Variants in IL17RD observed in about 807,000 individuals in gnomAD.
IL17RD encodes the protein interleukin-17 receptor D.
IL17RD carries 52 observed loss-of-function variants against 80.5 expected under a neutral mutation model. The ratio of observed to expected loss-of-function variants is 0.65; its 90% CI spans 0.52 to 0.81. The LOEUF (loss-of-function observed/expected upper bound fraction) is 0.81. IL17RD is among the 40% of genes least tolerant of loss of function. The pLI is 0.00. For synonymous variants in IL17RD, 416 were observed against 391.8 expected (o/e 1.06, Z -0.73); for missense variants, 1,024 against 955.1 (o/e 1.07, Z -0.95).
Position 57,120,330 on chromosome 3 carries a change from G to A in IL17RD, c.127-17C>T, listed in dbSNP as rs201571348. The A allele has an allele frequency of 6.3e-5, 101 of 1,607,926 alleles. No homozygotes were observed. Among genetic ancestry groups the A allele is most frequent in the East Asian group, 5.6e-4 (25 of 44,854 alleles). On this transcript the variant is annotated splice_polypyrimidine_tract_variant and intron_variant, in intron 1 of 12. Coordinates refer to ENST00000296318, the MANE Select transcript of IL17RD (RefSeq NM_017563.5). ...CCCCACTCCCTGTGGGAAAACAAGA[G>A]AACATGATGCAGAGTGAAGCCAATT...
Position 57,101,221 on chromosome 3 carries a change from G to C in IL17RD, c.1122C>G (p.Val374=), listed in dbSNP as rs767188135. The C allele has an allele frequency of 1.2e-6, 2 of 1,613,770 alleles. No individual in the cohort carries two copies. The highest frequency in any genetic ancestry group is 1.7e-6 in the Non-Finnish European group (2 of 1,179,714). Residue 374 remains valine, a synonymous_variant, in exon 11 of 13, where the codon GTC becomes GTG. Coordinates refer to ENST00000296318, the MANE Select transcript of IL17RD (RefSeq NM_017563.5). ...SKDGQNHMNV[V]QCFAYFLQDF... ...CCTGGAGGAAGTAGGCGAAACACTG[G>C]ACGACATTCATGTGATTCTGGCCAT...
chr3:57,167,271 T>G (rs1298854686), upstream of IL17RD, among the ~76,000 whole-genome samples: 1 of 151,988 alleles, frequency 6.6e-6, no homozygotes, highest in Non-Finnish European at 1.5e-5. Context: ...CCATACCCTC[T>G]TCAGACACCA....
At chr3:57,167,490 G>A (rs1559491190), upstream of IL17RD, among the ~76,000 whole-genome samples, 1 of 152,166 alleles carries the variant, frequency 6.6e-6, no homozygotes, top group Non-Finnish European at 1.5e-5. Context: ...GGGCTGAGAT[G>A]AGGCCAGGAC....
intron 1 of IL17RD, among the ~76,000 whole-genome samples, chr3:57,160,671 C>T (rs577484335): frequency 1.8e-4 from 28 of 152,234 alleles, no homozygotes; most frequent in African/African-American, 6.3e-4. Context: ...TTCTCTAAGG[C>T]CAGTGACATA....
At chr3:57,155,679 C>T (rs2060262542) in intron 1 of IL17RD, among the ~76,000 whole-genome samples, 1 of 152,196 alleles carries the variant, frequency 6.6e-6, no homozygotes, top group East Asian at 1.9e-4. Context: ...CAACCTCCGC[C>T]TCCTGGGTTC....
At chr3:57,135,013 T>C in intron 1 of IL17RD, among the ~76,000 whole-genome samples, 1 of 151,980 alleles carries the variant, frequency 6.6e-6, no homozygotes, top group Middle Eastern at 3.2e-3. Flanking sequence ...GAGGTTGATA[T>C]GGAAGGATGG....
chr3:57,127,016 G>C (rs941943514), intron 1 of IL17RD, among the ~76,000 whole-genome samples: 4 of 150,568 alleles, frequency 2.7e-5, no homozygotes, highest in African/African-American at 9.8e-5. Flanking sequence ...GTAGAGACAG[G>C]GTTTTGCCAT....
Position 57,090,356 on chromosome 3 carries a change from G to A in IL17RD, c.*6037C>T, listed in dbSNP as rs1706526193. The A allele has an allele frequency of 6.6e-6, 1 of 152,242 alleles. No homozygotes were observed. Among genetic ancestry groups the A allele is most frequent in the Non-Finnish European group, 1.5e-5 (1 of 68,046 alleles). The allele number at this position is 152,242 out of a possible 1,614,324, so 9.4% of individuals were successfully genotyped here. On this transcript the variant is annotated 3_prime_UTR_variant, in exon 13 of 13. Transcript: ENST00000296318. ...ACAATTGGTTTTCACAAAAGCTTTT[G>A]CTGCTGTCTGGACTCACCATGCTTT... is the stretch of plus-strand genomic sequence containing the variant.
In IL17RD at chr3:57,127,414, T is replaced by TATA. The variant is rs1341490473; in HGVS notation, c.127-7102_127-7101insTAT. Among the ~76,000 whole-genome samples, 282 of 74,482 alleles carry TATA rather than the reference T, an allele frequency of 3.8e-3. 21 individuals are homozygous for TATA. The highest frequency in any genetic ancestry group is 8.2e-3 in the African/African-American group (184 of 22,470). The allele number at this position is 74,482 out of a possible 152,430, so 48.9% of individuals were successfully genotyped here. On this transcript the variant is annotated intron_variant, in intron 1 of 12. Transcript: ENST00000296318. The stretch of plus-strand genomic sequence containing the variant: ...TAAATAAATATATATATATATATAT[T>TATA]TTTTTTTTGAGATAAGAGTCTTGCT...
At chr3:57,160,785 C>T (rs1185193805) in intron 1 of IL17RD, among the ~76,000 whole-genome samples, 1 of 152,220 alleles carries the variant, frequency 6.6e-6, no homozygotes, top group Non-Finnish European at 1.5e-5. Context: ...ATCCTGGTTA[C>T]AGCATGCGTA....
intron 1 of IL17RD, among the ~76,000 whole-genome samples, chr3:57,160,375 T>C (rs2107546225): frequency 6.6e-6 from 1 of 152,304 alleles, no homozygotes; most frequent in Admixed American, 6.5e-5. Context: ...CTAGCAGTTC[T>C]TTCCTTTGTT....
chr3:57,102,961 T>G (rs1706870210), intron 9 of IL17RD, 130 bp downstream of exon 9: 2 of 647,248 alleles, frequency 3.1e-6, no homozygotes, highest in East Asian at 5.5e-5. Context: ...AAAGTCAGAT[T>G]TGATGGAACA....
chr3:57,102,448 T>C (rs760292872), intron 10 of IL17RD, 31 bp downstream of exon 10: 6 of 1,292,930 alleles, frequency 4.6e-6, no homozygotes, highest in East Asian at 2.5e-5. Flanking sequence ...CTGCCCCTTG[T>C]TGTGGGGAGA....
chr3:57,150,872 G>A (rs1269551653), intron 1 of IL17RD, among the ~76,000 whole-genome samples: 5 of 152,156 alleles, frequency 3.3e-5, no homozygotes, highest in African/African-American at 1.2e-4. Context: ...CAATTACGAA[G>A]GGGGCCAAAA....
Position 57,161,764 on chromosome 3 carries a change from G to A in IL17RD, c.126+3397C>T, listed in dbSNP as rs78608058. Among the ~76,000 whole-genome samples the A allele has an allele frequency of 6.6e-5, 10 of 152,346 alleles. No homozygotes were observed. The East Asian group carries it at 1.9e-3, about 29-fold the overall frequency. ...AGTATGAGTGACTGACACAATTAAAGTTATGAACCAAACTTGCTTCTAGTT... is the reference window on the plus strand; with the variant it reads ...AGTATGAGTGACTGACACAATTAAAATTATGAACCAAACTTGCTTCTAGTT... On this transcript the variant is annotated intron_variant, in intron 1 of 12. Transcript: ENST00000296318.
chr3:57,125,074 G>A (rs997783919), intron 1 of IL17RD, among the ~76,000 whole-genome samples: 2 of 152,220 alleles, frequency 1.3e-5, no homozygotes, highest in Non-Finnish European at 2.9e-5. Context: ...TTCCAGCTGT[G>A]TGACTCTGGG....
rs148822169 is a variant in IL17RD, at chr3:57,117,605, T to C, written c.184+2651A>G. Among the ~76,000 whole-genome samples, 7 of 152,336 alleles carry C rather than the reference T, an allele frequency of 4.6e-5. 1 individual carries two copies. Among genetic ancestry groups the C allele is most frequent in the African/African-American group, 1.7e-4 (7 of 41,580 alleles). On this transcript the variant is annotated intron_variant, in intron 2 of 12. Transcript: ENST00000296318. The stretch of plus-strand genomic sequence containing the variant: ...GACAAAGGAATAGAAAAATACGATT[T>C]TTAGTAATTTTGTTGAAAACCCAGT...
At chr3:57,154,818 C>T (rs1471947) in intron 1 of IL17RD, among the ~76,000 whole-genome samples, 3,974 of 152,194 alleles carry the variant, frequency 0.026, 167 homozygotes, top group African/African-American at 0.09. Context: ...AAAGGCAATG[C>T]CATTTTTTTT....
chr3:57,134,325 C>A, intron 1 of IL17RD: 1 of 688,416 alleles, frequency 1.5e-6, no homozygotes, highest in Admixed American at 1.8e-5. Context: ...GGCTTGATGC[C>A]GGGAAAACAC....
Sources: gnomAD v4.1 joint callset for allele counts (sites outside exome capture counted in the v4.1 genomes callset) on GRCh38, gnomAD v4.1.1 for gene constraint, MANE v1.5 for transcripts, NCBI Gene and HGNC (gene_info 2026-07-23, HGNC 2026-07-21) for gene names.